The following SLC9A9 variants were observed in gnomAD, a reference collection of about 807,000 sequenced individuals.
SLC9A9 encodes the protein solute carrier family 9 member A9, also known as sodium/hydrogen exchanger 9.
In SLC9A9, 62 loss-of-function variants were observed where a neutral mutation model predicts 77.8. The observed-to-expected ratio is 0.80, with a 90% CI of 0.65 to 0.98. The LOEUF (loss-of-function observed/expected upper bound fraction) is 0.98. Among genes scored for constraint, SLC9A9 ranks in the 50% least tolerant of loss-of-function variants. The pLI, the probability that SLC9A9 is intolerant of heterozygous loss-of-function variation, is 0.00. For synonymous variants in SLC9A9, 320 were observed against 283.5 expected (o/e 1.13, Z -1.29); for missense variants, 775 against 774.9 (o/e 1.00, Z 0.00).
At chr3:143,757,894 A>C (rs187869135) in intron 4 of SLC9A9, among the ~76,000 whole-genome samples, 1 of 152,306 alleles carries the variant, frequency 6.6e-6, no homozygotes, top group South Asian at 2.1e-4. Context: ...AGAAGGAAAG[A>C]TCAAAGGCAA....
intron 5 of SLC9A9, among the ~76,000 whole-genome samples, chr3:143,689,175 C>A (rs1210862378): frequency 6.6e-6 from 1 of 151,796 alleles, no homozygotes; most frequent in Non-Finnish European, 1.5e-5. Flanking sequence ...CAAACTGATA[C>A]AAATTTTATG....
chr3:143,616,222 T>C (rs2038104751), intron 6 of SLC9A9, among the ~76,000 whole-genome samples: 1 of 152,332 alleles, frequency 6.6e-6, no homozygotes, highest in Non-Finnish European at 1.5e-5. Context: ...TCTGCTTTCA[T>C]TCACTTTTAC....
At chr3:143,471,741 T>C (rs1340384746) in intron 11 of SLC9A9, among the ~76,000 whole-genome samples, 1 of 152,218 alleles carries the variant, frequency 6.6e-6, no homozygotes, top group Non-Finnish European at 1.5e-5. Context: ...TTTAAATGGG[T>C]TTACTTTGCA....
chr3:143,354,109 G>A (rs889753869), intron 14 of SLC9A9, among the ~76,000 whole-genome samples: 3 of 152,136 alleles, frequency 2.0e-5, no homozygotes, highest in Admixed American at 2.0e-4. Context: ...CTTTTCAGGT[G>A]GGTTATTCAG....
chr3:143,296,516 A>G (rs1182817682), intron 14 of SLC9A9, among the ~76,000 whole-genome samples: 4 of 152,260 alleles, frequency 2.6e-5, no homozygotes, highest in African/African-American at 9.6e-5. Context: ...TAATGCTGCA[A>G]TGAACATGGG....
At chr3:143,622,072 A>G (rs963150967) in intron 6 of SLC9A9, among the ~76,000 whole-genome samples, 3 of 152,198 alleles carry the variant, frequency 2.0e-5, no homozygotes, top group African/African-American at 7.2e-5. Context: ...AGAAAAAAGA[A>G]TAAAAAGAAA....
intron 13 of SLC9A9, among the ~76,000 whole-genome samples, chr3:143,375,291 T>C (rs1340912687): frequency 2.0e-5 from 3 of 150,780 alleles, no homozygotes; most frequent in Non-Finnish European, 4.4e-5. Flanking sequence ...GCATTAGAGG[T>C]GCCATTTTTT....
At chr3:143,779,888 C>T (rs563088869) in intron 4 of SLC9A9, among the ~76,000 whole-genome samples, 2 of 152,300 alleles carry the variant, frequency 1.3e-5, no homozygotes, top group East Asian at 3.9e-4. Flanking sequence ...AAAGCATGTG[C>T]CATCCACAAT....
intron 12 of SLC9A9, among the ~76,000 whole-genome samples, chr3:143,418,872 T>A (rs182089645): frequency 6.6e-6 from 1 of 152,298 alleles, no homozygotes; most frequent in East Asian, 1.9e-4. Flanking sequence ...TGATTGATTG[T>A]CCTCATTTGC....
At chr3:143,672,187 A>AC (rs1553778192) in intron 5 of SLC9A9, among the ~76,000 whole-genome samples, 1 of 150,686 alleles carries the variant, frequency 6.6e-6, no homozygotes, top group African/African-American at 2.4e-5. Context: ...TACATCTTAA[A>AC]TTTTTTTTTT....
chr3:143,404,178 CT>C (rs57688016), intron 12 of SLC9A9, among the ~76,000 whole-genome samples: 23,762 of 142,442 alleles, frequency 0.17, 1,866 homozygotes, highest in Middle Eastern at 0.25. Flanking sequence ...TTTCTTTTTT[CT>C]TTTTTTTTTT....
chr3:143,778,009 G>A (rs1185922543), intron 4 of SLC9A9, among the ~76,000 whole-genome samples: 4 of 112,784 alleles, frequency 3.5e-5, no homozygotes, highest in Non-Finnish European at 6.6e-5. Context: ...CACCACGCCC[G>A]GCCCGTCACT....
chr3:143,544,002 G>A (rs2036739213), intron 9 of SLC9A9, among the ~76,000 whole-genome samples: 1 of 152,106 alleles, frequency 6.6e-6, no homozygotes, highest in Admixed American at 6.6e-5. Context: ...CCCATCAGCA[G>A]TGTATGAGTT....
At chr3:143,589,168 C>A (rs1248115913) in intron 6 of SLC9A9, among the ~76,000 whole-genome samples, 1 of 152,182 alleles carries the variant, frequency 6.6e-6, no homozygotes. Flanking sequence ...TTCTATGAAG[C>A]ATTCACTATG....
chr3:143,760,129 G>C (rs1207946440), intron 4 of SLC9A9, among the ~76,000 whole-genome samples: 1 of 152,032 alleles, frequency 6.6e-6, no homozygotes, highest in Admixed American at 6.6e-5. Context: ...TATGGAAATG[G>C]TTAAAAAAAT....
intron 13 of SLC9A9, among the ~76,000 whole-genome samples, chr3:143,373,597 T>A (rs1576455456): frequency 6.1e-5 from 4 of 66,070 alleles, no homozygotes; most frequent in South Asian, 4.1e-4. Context: ...CCAAAGCCAC[T>A]GAAATAGTAA....
At chr3:143,428,720 C>T (rs2034451395) in intron 12 of SLC9A9, among the ~76,000 whole-genome samples, 1 of 152,096 alleles carries the variant, frequency 6.6e-6, no homozygotes, top group Non-Finnish European at 1.5e-5. Context: ...GACACATACA[C>T]ACACACAGAC....
At chr3:143,548,546 CTCCAAG>C (rs1409757805) in intron 9 of SLC9A9, among the ~76,000 whole-genome samples, 1 of 152,174 alleles carries the variant, frequency 6.6e-6, no homozygotes, top group African/African-American at 2.4e-5. Context: ...CAACAAAGAA[CTCCAAG>C]TCCAGGGAAA....
At chr3:143,482,520 A>G (rs904293172) in intron 11 of SLC9A9, among the ~76,000 whole-genome samples, 9 of 152,194 alleles carry the variant, frequency 5.9e-5, no homozygotes, top group Non-Finnish European at 1.3e-4. Flanking sequence ...TCTGGCTCCT[A>G]CAACCTTCCC....
Sources: gnomAD v4.1 joint callset for allele counts (sites outside exome capture counted in the v4.1 genomes callset) on GRCh38, gnomAD v4.1.1 for gene constraint, MANE v1.5 for transcripts, NCBI Gene and HGNC (gene_info 2026-07-23, HGNC 2026-07-21) for gene names.